The following EFHD1 variants were observed in gnomAD, a reference collection of about 807,000 sequenced individuals.
EFHD1 encodes the protein EF-hand domain family member D1.
EFHD1 carries 10 observed loss-of-function variants against 17.2 expected under a neutral mutation model. That is an observed-to-expected ratio of 0.58 (90% confidence interval 0.36 to 0.99). The LOEUF (loss-of-function observed/expected upper bound fraction) is 0.99. Among genes scored for constraint, EFHD1 ranks in the 50% least tolerant of loss-of-function variants. The pLI is 0.01. For synonymous variants in EFHD1, 153 were observed against 142.0 expected (o/e 1.08, Z -0.55); for missense variants, 310 against 327.5 (o/e 0.95, Z 0.41).
At position 232,653,541 on chromosome 2, in the gene EFHD1, C is replaced by T. The variant is rs187848934; in HGVS notation, c.303-9261C>T. On this transcript the variant is annotated intron_variant, in intron 1 of 3. Coordinates refer to ENST00000264059, the MANE Select transcript of EFHD1 (RefSeq NM_025202.4). ...CTGACCTCAAGTGATCCGCCCACCT[C>T]GGCCTCCCAAAGTGCTGGGATTACG... Among the ~76,000 whole-genome samples, 182 of 152,210 alleles carry T rather than the reference C, an allele frequency of 1.2e-3. 1 individual carries two copies. Among genetic ancestry groups the T allele is most frequent in the African/African-American group, 4.2e-3 (175 of 41,542 alleles).
intron 1 of EFHD1, among the ~76,000 whole-genome samples, chr2:232,643,045 C>G (rs1004025015): frequency 6.6e-6 from 1 of 152,220 alleles, no homozygotes; most frequent in Non-Finnish European, 1.5e-5. Flanking sequence ...GTTCCGTCCT[C>G]TGCCCTCTGC....
chr2:232,679,548 C>G (rs1695236514), intron 3 of EFHD1, among the ~76,000 whole-genome samples: 1 of 151,482 alleles, frequency 6.6e-6, no homozygotes, highest in Non-Finnish European at 1.5e-5. Flanking sequence ...AACCCCATCT[C>G]TACAAAAAAT....
At chr2:232,644,670 C>T (rs1006490680) in intron 1 of EFHD1, among the ~76,000 whole-genome samples, 4 of 151,338 alleles carry the variant, frequency 2.6e-5, no homozygotes, top group Non-Finnish European at 4.4e-5. Context: ...CCACCATGCC[C>T]GGCTAATTTT....
intron 1 of EFHD1, among the ~76,000 whole-genome samples, chr2:232,655,225 GCCC>G: frequency 6.6e-6 from 1 of 152,070 alleles, no homozygotes; most frequent in African/African-American, 2.4e-5. Flanking sequence ...TCACTGTGTT[GCCC>G]AGGCTGGACT....
chr2:232,677,310 T>G (rs1295937629), intron 3 of EFHD1, among the ~76,000 whole-genome samples: 1 of 151,618 alleles, frequency 6.6e-6, no homozygotes, highest in Non-Finnish European at 1.5e-5. Context: ...CACACACATC[T>G]TTCTATATAA....
chr2:232,616,386 C>T (rs1693929652), intron 1 of EFHD1, among the ~76,000 whole-genome samples: 1 of 152,106 alleles, frequency 6.6e-6, no homozygotes, highest in African/African-American at 2.4e-5. Flanking sequence ...GCAACCTCCG[C>T]CTCCCGGGTT....
At chr2:232,639,507 T>A (rs1345473505) in intron 1 of EFHD1, among the ~76,000 whole-genome samples, 2 of 152,164 alleles carry the variant, frequency 1.3e-5, no homozygotes, top group Admixed American at 1.3e-4. Flanking sequence ...TCTCTCTCTT[T>A]TCTTAAATGT....
intron 1 of EFHD1, 90 bp downstream of exon 1, chr2:232,634,096 G>C (rs1694267525): frequency 6.5e-7 from 1 of 1,536,736 alleles, no homozygotes; most frequent in African/African-American, 1.4e-5. Flanking sequence ...TGTTTGTGTG[G>C]GGAGGGGTCC....
upstream of EFHD1, among the ~76,000 whole-genome samples, chr2:232,629,443 G>A (rs997795399): frequency 1.3e-5 from 2 of 152,004 alleles, no homozygotes; most frequent in African/African-American, 2.4e-5. Flanking sequence ...TACATTCATT[G>A]TAGGAAATTC....
chr2:232,669,285 G>T (rs1695024359), intron 2 of EFHD1, among the ~76,000 whole-genome samples: 1 of 152,196 alleles, frequency 6.6e-6, no homozygotes, highest in South Asian at 2.1e-4. Context: ...GGCCTCTAGT[G>T]AGAGAGTTTG....
rs534709058 is a variant in EFHD1 at position 232,628,088 on chromosome 2, TCTCA to T, written c.14+21919_14+21922del. Among the ~76,000 whole-genome samples the T allele has an allele frequency of 4.6e-5, 7 of 152,178 alleles. No individual in the cohort carries two copies. The South Asian group carries it at 1.5e-3, about 32-fold the overall frequency. The stretch of plus-strand genomic sequence containing the variant: ...ATTTATTTATTTATTTGAGATGGAG[TCTCA>T]CTCTGTCGCCCAGGTTGGAGTACAG... On this transcript the variant is annotated intron_variant, in intron 1 of 3. Transcript: ENST00000409613.
intron 3 of EFHD1, among the ~76,000 whole-genome samples, chr2:232,673,342 G>A (rs1378776186): frequency 6.6e-6 from 1 of 152,196 alleles, no homozygotes; most frequent in African/African-American, 2.4e-5. Flanking sequence ...GAGCTTAGCA[G>A]GACAGTTTTC....
chr2:232,651,350 G>A (rs1692229865), intron 1 of EFHD1, among the ~76,000 whole-genome samples: 1 of 152,236 alleles, frequency 6.6e-6, no homozygotes, highest in Admixed American at 6.5e-5. Flanking sequence ...GGGAGCAACA[G>A]ACCTTTCAAG....
At chr2:232,633,595 C>T (rs1694244216), upstream of EFHD1, 6 of 1,304,872 alleles carry the variant, frequency 4.6e-6, no homozygotes, top group Non-Finnish European at 5.8e-6. Context: ...GGGTCCCCGC[C>T]GCCTCGGCGG....
intron 1 of EFHD1, among the ~76,000 whole-genome samples, chr2:232,658,371 A>G (rs1694800210): frequency 7.1e-6 from 1 of 140,180 alleles, no homozygotes; most frequent in East Asian, 1.9e-4. Flanking sequence ...TTGTATCCAT[A>G]CTTCTCTTCC....
intron 1 of EFHD1, among the ~76,000 whole-genome samples, chr2:232,626,193 A>G (rs1008472322): frequency 1.3e-5 from 2 of 151,944 alleles, no homozygotes; most frequent in African/African-American, 4.8e-5. Flanking sequence ...CCTTGTGTCC[A>G]AAAAAAGAAA....
At chr2:232,638,239 T>G (rs1574711861) in intron 1 of EFHD1, 1 of 424,182 alleles carries the variant, frequency 2.4e-6, no homozygotes, top group East Asian at 7.1e-5. Context: ...GAGGCCTCTT[T>G]CAAAGGGAGG....
intron 1 of EFHD1, chr2:232,610,992 C>T (rs1401050751): frequency 2.0e-5 from 3 of 152,258 alleles, no homozygotes; most frequent in Non-Finnish European, 4.4e-5. Flanking sequence ...GCCTGGGAAA[C>T]ATAATGAGAC....
chr2:232,663,237 G>T (rs1694908029), intron 2 of EFHD1, among the ~76,000 whole-genome samples: 1 of 151,922 alleles, frequency 6.6e-6, no homozygotes, highest in Non-Finnish European at 1.5e-5. Context: ...AAATGTTGGT[G>T]CTTTTATAAT....
Sources: allele counts gnomAD v4.1 joint callset (sites outside exome capture counted in the v4.1 genomes callset), GRCh38; gene constraint gnomAD v4.1.1; transcripts MANE v1.5; gene names NCBI Gene and HGNC (gene_info 2026-07-23, HGNC 2026-07-21).